Variants in BAMBI observed in about 807,000 individuals in gnomAD.
BAMBI encodes the protein BMP and activin membrane-bound inhibitor homolog.
Under a neutral mutation model 24.1 loss-of-function variants are expected in BAMBI, and 21 were observed. The ratio of observed to expected loss-of-function variants is 0.87; its 90% confidence interval spans 0.62 to 1.26. BAMBI has a LOEUF of 1.26. Ranked by LOEUF, BAMBI falls within the 50% of genes most tolerant of loss-of-function variation. The pLI, the probability that BAMBI is intolerant of heterozygous loss-of-function variation, is 0.00. For synonymous variants in BAMBI, 156 were observed against 123.1 expected (o/e 1.27, Z -1.77); for missense variants, 388 against 329.1 (o/e 1.18, Z -1.38).
chr10:28,682,386 G>A lies in BAMBI; in HGVS notation c.768G>A (p.Lys256=), dbSNP rs1397626103. ...GGGGCATGTACAGTGGGCACGGGAAGCTGGAATTCGTATGACGGAGTCTTA... is the reference window on the plus strand; with the variant it reads ...GGGGCATGTACAGTGGGCACGGGAAACTGGAATTCGTATGACGGAGTCTTA... ...VHWGMYSGHG[K]LEFV Residue 256 remains lysine (K), a synonymous_variant, in exon 3 of 3, where the codon AAG becomes AAA. Coordinates refer to ENST00000375533, the MANE Select transcript of BAMBI (RefSeq NM_012342.3). 1 of 1,609,808 alleles carries A rather than the reference G, an allele frequency of 6.2e-7. No homozygotes were observed. The highest frequency in any genetic ancestry group is 1.3e-5 in the African/African-American group (1 of 74,844).
Position 28,677,555 on chromosome 10 carries a change from T to G in BAMBI, c.-343T>G, listed in dbSNP as rs924382872. 5.9e-6 allele frequency: 1 copy of G among 169,200 alleles called. No homozygotes were observed. Among genetic ancestry groups the G allele is most frequent in the Non-Finnish European group, 1.3e-5 (1 of 79,778 alleles). 10.5% of individuals were successfully genotyped at this position (169,200 alleles called of 1,614,324 possible). ...CGGGCGGGAGCTGCGGCGGATACCC[T>G]TGCGTGCTGTGGAGACCCTACTCTC... On this transcript the variant is annotated 5_prime_UTR_variant, in exon 1 of 3. Coordinates refer to ENST00000375533, the MANE Select transcript of BAMBI (RefSeq NM_012342.3).
At chr10:28,678,224 G>A (rs1241578004) in intron 1 of BAMBI, among the ~76,000 whole-genome samples, 1 of 152,226 alleles carries the variant, frequency 6.6e-6, no homozygotes, top group Admixed American at 6.5e-5. Context: ...TTGCAGCCCA[G>A]CGGGGAGCGG....
At chr10:28,680,222 A>G (rs757455256) in intron 1 of BAMBI, among the ~76,000 whole-genome samples, 3 of 152,160 alleles carry the variant, frequency 2.0e-5, no homozygotes, top group African/African-American at 4.8e-5. Flanking sequence ...TCGCTGTGGC[A>G]TGTGACAGCG....
In BAMBI at chr10:28,681,396, C is replaced by T. The variant is rs778096197; in HGVS notation, c.215C>T (p.Ser72Phe). Residue 72 changes from serine to phenylalanine, a missense_variant, in exon 2 of 3, where the codon TCT becomes TTT. Physicochemically the swap from Ser to Phe is radical, Grantham distance 155 (BLOSUM62 -2). Coordinates refer to ENST00000375533, the MANE Select transcript of BAMBI (RefSeq NM_012342.3). ...NSPLTHGCLD[S>F]LASTTDICQA... Reference sequence around the variant, plus strand: ...CCACTCACCCATGGCTGCCTGGACTCTCTTGCAAGCACGACAGACATCTGC... The same window carrying T: ...CCACTCACCCATGGCTGCCTGGACTTTCTTGCAAGCACGACAGACATCTGC... The T allele has an allele frequency of 6.2e-7, 1 of 1,614,188 alleles. No homozygotes were observed. Among genetic ancestry groups the T allele is most frequent in the Admixed American group, 1.7e-5 (1 of 60,022 alleles).
Position 28,682,195 on chromosome 10 carries a change from C to A in BAMBI, c.577C>A (p.Arg193Ser), listed in dbSNP as rs767932179. 1.9e-6 allele frequency: 3 copies of A among 1,613,982 alleles called. No homozygotes were observed. Among genetic ancestry groups the A allele is most frequent in the East Asian group, 4.5e-5 (2 of 44,888 alleles). Residue 193 changes from arginine to serine, a missense_variant, in exon 3 of 3, where the codon CGT becomes AGT. By Grantham distance (110) the Arg-to-Ser change is moderately radical. Transcript: ENST00000375533. ...LQDQRQQMLSRLHYSFHGHHS... is the reference protein window; with the variant it reads ...LQDQRQQMLSSLHYSFHGHHS... ...GGATCAGCGGCAACAGATGCTCTCCCGTTTGCACTACAGCTTTCACGGACA... is the reference window on the plus strand; with the variant it reads ...GGATCAGCGGCAACAGATGCTCTCCAGTTTGCACTACAGCTTTCACGGACA...
chr10:28,678,435 C>G (rs1301585394), intron 1 of BAMBI, among the ~76,000 whole-genome samples: 1 of 152,176 alleles, frequency 6.6e-6, no homozygotes, highest in African/African-American at 2.4e-5. Flanking sequence ...CGTTGTGTTT[C>G]TGAAAGTGTG....
chr10:28,682,373 G>C lies in BAMBI; in HGVS notation c.755G>C (p.Ser252Thr), dbSNP rs1224218952. The part of the protein sequence containing the change: ...ILSLVHWGMY[S>T]GHGKLEFV ...TCGCTTGTTCACTGGGGCATGTACA[G>C]TGGGCACGGGAAGCTGGAATTCGTA... is the stretch of plus-strand genomic sequence containing the variant. The change falls in exon 3 of 3, where the codon AGT becomes ACT. Residue 252 changes from serine (S) to threonine (T), a missense_variant. Transcript: ENST00000375533. The C allele has an allele frequency of 1.2e-6, 2 of 1,611,242 alleles. No homozygotes were observed. Among genetic ancestry groups the C allele is most frequent in the Non-Finnish European group, 1.7e-6 (2 of 1,177,594 alleles).
Position 28,677,823 on chromosome 10 carries a change from C to G in BAMBI, c.-75C>G. 1.3e-5 allele frequency: 17 copies of G among 1,281,092 alleles called. No individual in the cohort carries two copies. Among genetic ancestry groups the G allele is most frequent in the Non-Finnish European group, 1.7e-5 (17 of 972,704 alleles). The allele number at this position is 1,281,092 out of a possible 1,614,324, so 79.4% of individuals were successfully genotyped here. On this transcript the variant is annotated 5_prime_UTR_variant, in exon 1 of 3. Coordinates refer to ENST00000375533, the MANE Select transcript of BAMBI (RefSeq NM_012342.3). ...CCGGGCAGGGCCCATGCCCTGCGCG[C>G]TCCGGGGGTCGTAGGCTGCCGCCGA...
chr10:28,682,217 G>T lies in BAMBI; in HGVS notation c.599G>T (p.Gly200Val). The change falls in exon 3 of 3, where the codon GGA becomes GTA. Residue 200 changes from glycine to valine, a missense_variant. Gly to Val is a moderately radical substitution (Grantham distance 109). Coordinates refer to ENST00000375533, the MANE Select transcript of BAMBI (RefSeq NM_012342.3). ...MLSRLHYSFHGHHSKKGQVAK... is the reference protein window; with the variant it reads ...MLSRLHYSFHVHHSKKGQVAK... ...TCCCGTTTGCACTACAGCTTTCACG[G>T]ACACCATTCCAAAAAGGGGCAGGTT... 1 of 1,614,160 alleles carries T rather than the reference G, an allele frequency of 6.2e-7. No individual in the cohort carries two copies. The highest frequency in any genetic ancestry group is 1.1e-5 in the South Asian group (1 of 91,088).
intron 1 of BAMBI, among the ~76,000 whole-genome samples, chr10:28,679,986 C>A (rs1394997567): frequency 6.6e-6 from 1 of 152,148 alleles, no homozygotes; most frequent in Non-Finnish European, 1.5e-5. Context: ...AGAACCGAAG[C>A]ATTAGCAGCG....
In BAMBI at chr10:28,677,968, C is replaced by A. The variant is rs765666964; in HGVS notation, c.71C>A (p.Thr24Asn). ...CTCTGCGCCATGGCCGTGCTGCTCA[C>A]CAAAGGTGGGTGCCGGGGGCGCACG... ...LELCAMAVLL[T>N]KGEIRCYCDA... Residue 24 changes from threonine (T) to asparagine (N), a missense_variant, in exon 1 of 3, where the codon ACC becomes AAC. Coordinates refer to ENST00000375533, the MANE Select transcript of BAMBI (RefSeq NM_012342.3). The A allele has an allele frequency of 1.3e-6, 2 of 1,525,482 alleles. No individual in the cohort carries two copies. The highest frequency in any genetic ancestry group is 1.2e-5 in the South Asian group (1 of 82,348). The allele number at this position is 1,525,482 out of a possible 1,614,324, so 94.5% of individuals were successfully genotyped here. A position where few individuals can be genotyped will look rare whatever the true frequency, so the allele number is the denominator to read the frequency against.
intron 2 of BAMBI, 179 bp downstream of exon 2, chr10:28,681,724 T>G (rs1279859062): frequency 1.3e-6 from 1 of 778,022 alleles, no homozygotes; most frequent in Non-Finnish European, 2.0e-6. Flanking sequence ...GAGCATTAGA[T>G]GTCTGTCTAC....
rs376662176 is a variant in BAMBI at position 28,681,580 on chromosome 10, C to G, written c.364+35C>G. 25 of 1,603,596 alleles carry G rather than the reference C, an allele frequency of 1.6e-5. No individual in the cohort carries two copies. The African/African-American group carries it at 3.2e-4, about 21-fold the overall frequency. On this transcript the variant is annotated intron_variant, in intron 2 of 2. Coordinates refer to ENST00000375533, the MANE Select transcript of BAMBI (RefSeq NM_012342.3). ...AGCCGTTTCTAACCAGAATGCCTGC[C>G]TGATCTATAGACTTGTGACAGCCAC...
intron 1 of BAMBI, among the ~76,000 whole-genome samples, chr10:28,679,574 A>C (rs1157183894): frequency 6.6e-6 from 1 of 152,206 alleles, no homozygotes; most frequent in African/African-American, 2.4e-5. Context: ...TACCTGTCAA[A>C]ATTTTATTAG....
rs1338502874 is a variant in BAMBI, at chr10:28,682,209, C to T, written c.591C>T (p.Ser197=). 1 of 1,614,204 alleles carries T rather than the reference C, an allele frequency of 6.2e-7. No individual in the cohort carries two copies. ...RQQMLSRLHY[S]FHGHHSKKGQ... ...AGATGCTCTCCCGTTTGCACTACAG[C>T]TTTCACGGACACCATTCCAAAAAGG... Residue 197 remains serine (S), a synonymous_variant, in exon 3 of 3, where the codon AGC becomes AGT. Coordinates refer to ENST00000375533, the MANE Select transcript of BAMBI (RefSeq NM_012342.3).
At chr10:28,678,804 A>T (rs1432557915) in intron 1 of BAMBI, among the ~76,000 whole-genome samples, 2 of 135,502 alleles carry the variant, frequency 1.5e-5, no homozygotes, top group African/African-American at 5.8e-5. Flanking sequence ...CTCACCTCAT[A>T]TTTTACAAAC....
At chr10:28,681,605 C>A in intron 2 of BAMBI, 60 bp downstream of exon 2, 1 of 1,543,312 alleles carries the variant, frequency 6.5e-7, no homozygotes, top group Non-Finnish European at 8.8e-7. Flanking sequence ...GTGACAGCCA[C>A]GACTTTGTAT....
Position 28,682,026 on chromosome 10 carries a change from C to CTGGT in BAMBI, c.408_409insTGGT (p.Thr137TrpfsTer44). 1 of 1,614,124 alleles carries CTGGT rather than the reference C, an allele frequency of 6.2e-7. No homozygotes were observed. ...AGCATGATGGTAGCAGAAACCTTATCACCAAGGTGCAGGAGCTGACTTCTT... is the reference window on the plus strand; with the variant it reads ...AGCATGATGGTAGCAGAAACCTTATCTGGTACCAAGGTGCAGGAGCTGACTTCTT... On this transcript the variant is annotated frameshift_variant, in exon 3 of 3. Coordinates refer to ENST00000375533, the MANE Select transcript of BAMBI (RefSeq NM_012342.3). LOFTEE classifies it high-confidence loss of function.
chr10:28,679,650 TCTTC>T (rs1236799464), intron 1 of BAMBI, among the ~76,000 whole-genome samples: 23 of 152,244 alleles, frequency 1.5e-4, no homozygotes, highest in Admixed American at 4.6e-4. Context: ...TTGTATTCAG[TCTTC>T]CTTTTCTGTA....
Sources: allele counts gnomAD v4.1 joint callset (sites outside exome capture counted in the v4.1 genomes callset), GRCh38; gene constraint gnomAD v4.1.1; transcripts MANE v1.5; gene names NCBI Gene and HGNC (gene_info 2026-07-23, HGNC 2026-07-21).